Variants in KCNB2 observed in about 807,000 individuals in gnomAD.
KCNB2 encodes potassium voltage-gated channel subfamily B member 2, also known as delayed rectifier potassium channel protein.
A neutral mutation model predicts 61.5 loss-of-function variants in KCNB2; 15 were observed. The ratio of observed to expected loss-of-function variants is 0.24; its 90% CI spans 0.16 to 0.38. The LOEUF (loss-of-function observed/expected upper bound fraction) is 0.38, where lower values mean the gene tolerates loss of function less well. KCNB2 is among the 10% of genes least tolerant of loss of function. The pLI, the probability that KCNB2 is intolerant of heterozygous loss-of-function variation, is 1.00. For synonymous variants in KCNB2, 457 were observed against 446.0 expected (o/e 1.02, Z -0.31); for missense variants, 828 against 1,125.2 (o/e 0.74, Z 3.78).
intron 2 of KCNB2, among the ~76,000 whole-genome samples, chr8:72,814,374 G>A (rs771207004): frequency 9.9e-5 from 15 of 152,042 alleles, no homozygotes; most frequent in African/African-American, 1.4e-4. Context: ...AAATTGACAC[G>A]TCACTGAATA....
At chr8:72,576,801 T>G (rs1283356554) in intron 2 of KCNB2, among the ~76,000 whole-genome samples, 1 of 152,202 alleles carries the variant, frequency 6.6e-6, no homozygotes, top group African/African-American at 2.4e-5. Flanking sequence ...TTGAAGAGAC[T>G]GAGACTTCTC....
At position 72,568,227 on chromosome 8, in the gene KCNB2, G is replaced by A; in HGVS notation, c.493G>A (p.Glu165Lys). The change falls in exon 2 of 3, where the codon GAA becomes AAA. Residue 165 changes from glutamate to lysine, a missense_variant. Transcript: ENST00000523207. ...EAETMREREGEEFDNTCCPDK... is the reference protein window; with the variant it reads ...EAETMREREGKEFDNTCCPDK... ...AGAGACTATGCGAGAGCGAGAAGGA[G>A]AAGAGTTTGATAATACCTGCTGCCC... 1 of 1,614,180 alleles carries A rather than the reference G, an allele frequency of 6.2e-7. No homozygotes were observed. Among genetic ancestry groups the A allele is most frequent in the Non-Finnish European group, 8.5e-7 (1 of 1,180,038 alleles).
intron 2 of KCNB2, among the ~76,000 whole-genome samples, chr8:72,765,734 G>A (rs1046728204): frequency 2.0e-5 from 3 of 152,168 alleles, no homozygotes; most frequent in Non-Finnish European, 2.9e-5. Context: ...TTCTCGAACT[G>A]CAGCATGCAT....
intron 2 of KCNB2, among the ~76,000 whole-genome samples, chr8:72,920,803 T>C (rs1036993512): frequency 4.6e-5 from 7 of 152,024 alleles, no homozygotes; most frequent in Non-Finnish European, 1.0e-4. Context: ...CTAGGAAATA[T>C]TATGAAGTAA....
intron 2 of KCNB2, among the ~76,000 whole-genome samples, chr8:72,811,155 C>CTT (rs34236600): frequency 0.47 from 66,123 of 139,960 alleles, 15,535 homozygotes; most frequent in East Asian, 0.6. Flanking sequence ...GAAGGGATTT[C>CTT]TTTTTTTTTT....
intron 2 of KCNB2, among the ~76,000 whole-genome samples, chr8:72,691,056 G>A (rs542070897): frequency 1.1e-4 from 17 of 152,124 alleles, no homozygotes; most frequent in Non-Finnish European, 2.5e-4. Context: ...TCATATGATG[G>A]GCTGGTTCGA....
At chr8:72,725,603 A>ATATGTATGTGTG (rs1554587090) in intron 2 of KCNB2, among the ~76,000 whole-genome samples, 6 of 110,942 alleles carry the variant, frequency 5.4e-5, no homozygotes, top group Non-Finnish European at 1.0e-4. Context: ...ATATATATAT[A>ATATGTATGTGTG]TATATATATA....
intron 2 of KCNB2, among the ~76,000 whole-genome samples, chr8:72,902,838 C>T (rs1767872395): frequency 6.6e-6 from 1 of 152,166 alleles, no homozygotes; most frequent in African/African-American, 2.4e-5. Context: ...TATTTCTTTC[C>T]CTGCATCTTA....
intron 2 of KCNB2, among the ~76,000 whole-genome samples, chr8:72,852,825 T>C (rs535996140): frequency 3.3e-5 from 5 of 152,246 alleles, no homozygotes; most frequent in Non-Finnish European, 7.3e-5. Context: ...TTTTCACTTC[T>C]GGATTTCTCA....
At chr8:72,563,057 G>A (rs1806562010) in intron 1 of KCNB2, among the ~76,000 whole-genome samples, 1 of 152,070 alleles carries the variant, frequency 6.6e-6, no homozygotes, top group Admixed American at 6.6e-5. Flanking sequence ...TGTTCTGAAG[G>A]TAGTTTGTTT....
chr8:72,703,695 T>G (rs938511734), intron 2 of KCNB2, among the ~76,000 whole-genome samples: 4 of 152,112 alleles, frequency 2.6e-5, no homozygotes, highest in African/African-American at 9.7e-5. Context: ...CCTTAGTGTC[T>G]ACTATAAAGA....
intron 2 of KCNB2, among the ~76,000 whole-genome samples, chr8:72,593,299 C>T (rs1420349182): frequency 7.2e-5 from 11 of 152,062 alleles, no homozygotes; most frequent in African/African-American, 2.7e-4. Context: ...TATTCAAAGA[C>T]TTTTATTAAA....
chr8:72,656,233 G>T (rs924219244), intron 2 of KCNB2, among the ~76,000 whole-genome samples: 9 of 152,058 alleles, frequency 5.9e-5, no homozygotes, highest in African/African-American at 2.2e-4. Context: ...TCCAAATGAA[G>T]AAGTGTACAA....
chr8:72,898,216 G>A (rs1806023351), intron 2 of KCNB2, among the ~76,000 whole-genome samples: 1 of 151,960 alleles, frequency 6.6e-6, no homozygotes, highest in Admixed American at 6.6e-5. Context: ...ACATTGGAAA[G>A]CTGACCATAG....
chr8:72,593,020 T>C (rs1807126257), intron 2 of KCNB2, among the ~76,000 whole-genome samples: 1 of 152,192 alleles, frequency 6.6e-6, no homozygotes, highest in Non-Finnish European at 1.5e-5. Flanking sequence ...ATTTGTAGAC[T>C]TTTATTTTAG....
intron 2 of KCNB2, among the ~76,000 whole-genome samples, chr8:72,692,277 T>A (rs116723805): frequency 0.017 from 2,638 of 151,646 alleles, 57 homozygotes; most frequent in African/African-American, 0.058. Context: ...TTATATTTTG[T>A]ACATCTTTGT....
intron 2 of KCNB2, among the ~76,000 whole-genome samples, chr8:72,803,329 T>C (rs1423018170): frequency 6.6e-6 from 1 of 152,114 alleles, no homozygotes; most frequent in Non-Finnish European, 1.5e-5. Flanking sequence ...TCCAGAATGG[T>C]TTCAGATGCC....
At chr8:72,672,015 T>A (rs1372261564) in intron 2 of KCNB2, among the ~76,000 whole-genome samples, 1 of 152,126 alleles carries the variant, frequency 6.6e-6, no homozygotes, top group African/African-American at 2.4e-5. Flanking sequence ...TGCATCCCAC[T>A]GTGGTTGAAT....
At chr8:72,614,939 G>T (rs1202252597) in intron 2 of KCNB2, among the ~76,000 whole-genome samples, 16 of 152,060 alleles carry the variant, frequency 1.1e-4, no homozygotes, top group Non-Finnish European at 2.4e-4. Flanking sequence ...AACAAGCAGA[G>T]GCTATGTATT....
Sources: allele counts gnomAD v4.1 joint callset (sites outside exome capture counted in the v4.1 genomes callset), GRCh38; gene constraint gnomAD v4.1.1; transcripts MANE v1.5; gene names NCBI Gene and HGNC (gene_info 2026-07-23, HGNC 2026-07-21).